HYDIN: variants seen among roughly 807,000 people sequenced by gnomAD.
HYDIN encodes the protein HYDIN axonemal central pair apparatus protein, also known as axonemal central pair apparatus protein HYDIN.
HYDIN carries 132 observed loss-of-function variants against 403.9 expected under a neutral mutation model. The ratio of observed to expected loss-of-function variants is 0.33; its 90% CI spans 0.28 to 0.38. HYDIN has a LOEUF of 0.38. Ranked by LOEUF, HYDIN falls within the 10% of genes least tolerant of loss-of-function variation. The probability of loss-of-function intolerance (pLI) is 1.00; values close to 1 mark genes in which losing one functional copy is unlikely to be tolerated. For synonymous variants in HYDIN, 1,202 were observed against 1,891.7 expected (o/e 0.64, Z 9.46); for missense variants, 2,827 against 5,009.5 (o/e 0.56, Z 13.15).
At chr16:70,982,002 C>G (rs774697919) in intron 28 of HYDIN, among the ~76,000 whole-genome samples, 1 of 151,310 alleles carries the variant, frequency 6.6e-6, no homozygotes, top group Non-Finnish European at 1.5e-5. Context: ...GTGGTGGGCA[C>G]CTGTAGTCCC....
At chr16:70,993,853 C>A (rs1187530810) in intron 23 of HYDIN, among the ~76,000 whole-genome samples, 1 of 151,576 alleles carries the variant, frequency 6.6e-6, no homozygotes. Flanking sequence ...TAGTCTTTTA[C>A]ATTTTAGCCA....
At chr16:71,145,467 AT>A (rs1368042213) in intron 7 of HYDIN, among the ~76,000 whole-genome samples, 7 of 152,086 alleles carry the variant, frequency 4.6e-5, no homozygotes, top group Admixed American at 4.6e-4. Context: ...ATTGGCCAGG[AT>A]GGTCTCGATC....
At chr16:71,092,949 C>T (rs2083157572) in intron 11 of HYDIN, among the ~76,000 whole-genome samples, 1 of 144,924 alleles carries the variant, frequency 6.9e-6, no homozygotes, top group Admixed American at 7.1e-5. Flanking sequence ...ATGATATTAA[C>T]TACTACACGA....
chr16:71,074,723 A>G (rs113909777), intron 13 of HYDIN, among the ~76,000 whole-genome samples: 5 of 151,212 alleles, frequency 3.3e-5, no homozygotes, highest in Admixed American at 6.6e-5. Context: ...AAAAAAAAAA[A>G]AAAAAGAAAA....
chr16:71,144,174 T>A (rs1475397948), intron 7 of HYDIN, among the ~76,000 whole-genome samples: 1 of 152,216 alleles, frequency 6.6e-6, no homozygotes, highest in Admixed American at 6.5e-5. Flanking sequence ...TCAATACAAA[T>A]ATCTTTTTTC....
intron 55 of HYDIN, among the ~76,000 whole-genome samples, chr16:70,892,952 G>T (rs2041562386): frequency 6.6e-6 from 1 of 152,176 alleles, no homozygotes; most frequent in Non-Finnish European, 1.5e-5. Flanking sequence ...TGTAACAGAG[G>T]TACTGGGGAG....
At chr16:71,041,637 G>A (rs2081290303) in intron 18 of HYDIN, among the ~76,000 whole-genome samples, 1 of 152,154 alleles carries the variant, frequency 6.6e-6, no homozygotes, top group African/African-American at 2.4e-5. Flanking sequence ...CCATGGGAGG[G>A]AGTAGGAATA....
chr16:70,872,177 C>A lies in HYDIN; in HGVS notation c.10951G>T (p.Ala3651Ser), dbSNP rs533680979. 5.8e-5 allele frequency: 82 copies of A among 1,417,274 alleles called. No individual in the cohort carries two copies. Among genetic ancestry groups the A allele is most frequent in the Non-Finnish European group, 7.4e-5 (77 of 1,043,336 alleles). 87.8% of individuals were successfully genotyped at this position (1,417,274 alleles called of 1,614,324 possible). ...DNDMEDLVAAALVDHIQFGDC... is the reference protein window; with the variant it reads ...DNDMEDLVAASLVDHIQFGDC... ...CCAAATTGGATGTGGTCCACCAGAG[C>A]AGCTAGGGATTAGAAGCAGAAGGCT... Residue 3651 changes from alanine to serine, a missense_variant and splice_region_variant, in exon 65 of 86, where the codon GCT becomes TCT. Coordinates refer to ENST00000393567, the MANE Select transcript of HYDIN (RefSeq NM_001270974.2).
At chr16:71,226,474 A>G (rs939129236) in intron 1 of HYDIN, among the ~76,000 whole-genome samples, 1 of 152,222 alleles carries the variant, frequency 6.6e-6, no homozygotes, top group Non-Finnish European at 1.5e-5. Flanking sequence ...CAAAGCTATG[A>G]AAGTCTGAGA....
At chr16:71,149,818 G>A (rs907275402) in intron 7 of HYDIN, among the ~76,000 whole-genome samples, 19 of 151,902 alleles carry the variant, frequency 1.3e-4, no homozygotes, top group African/African-American at 4.8e-5. Context: ...GTGAGCCACC[G>A]CAGTCGGCTG....
chr16:70,832,753 G>T, intron 80 of HYDIN, 95 bp downstream of exon 80: 3 of 901,260 alleles, frequency 3.3e-6, no homozygotes, highest in Non-Finnish European at 5.3e-6. Context: ...CTCGTGGAGG[G>T]AGGGGGCAGG....
chr16:71,061,772 G>C (rs2082087327), intron 17 of HYDIN, among the ~76,000 whole-genome samples: 1 of 151,348 alleles, frequency 6.6e-6, no homozygotes, highest in Admixed American at 6.6e-5. Flanking sequence ...TAAAAATACA[G>C]ATGTGCTGGC....
intron 78 of HYDIN, among the ~76,000 whole-genome samples, chr16:70,835,356 A>C (rs2037353604): frequency 6.6e-6 from 1 of 152,146 alleles, no homozygotes; most frequent in African/African-American, 2.4e-5. Flanking sequence ...AAACACCTGA[A>C]ATGAACGAAA....
intron 21 of HYDIN, among the ~76,000 whole-genome samples, chr16:71,024,094 C>G (rs1290927857): frequency 6.6e-6 from 1 of 152,214 alleles, no homozygotes; most frequent in Non-Finnish European, 1.5e-5. Context: ...CATGATAGAC[C>G]TTAATAAACA....
At position 70,807,784 on chromosome 16, in the gene HYDIN, G is replaced by C; in HGVS notation, c.15162C>G (p.Ile5054Met). The change falls in exon 86 of 86, where the codon ATC (isoleucine) becomes ATG (methionine). Residue 5054 changes from isoleucine (I) to methionine (M), a missense_variant. Coordinates refer to ENST00000393567, the MANE Select transcript of HYDIN (RefSeq NM_001270974.2). ...NVFYHMVTFS[I>M]IVDNPAFTIR... ...TGGTGAAGGCTGGGTTATCCACGAT[G>C]ATGGAGAAGGTCACCATGTGATAGA... 1 of 1,614,210 alleles carries C rather than the reference G, an allele frequency of 6.2e-7. No individual in the cohort carries two copies. The highest frequency in any genetic ancestry group is 8.5e-7 in the Non-Finnish European group (1 of 1,180,036).
chr16:70,900,717 G>A (rs2076345439), intron 53 of HYDIN, among the ~76,000 whole-genome samples: 2 of 150,474 alleles, frequency 1.3e-5, no homozygotes, highest in Admixed American at 1.3e-4. Context: ...TTGTTCATTT[G>A]TTCATTCATT....
intron 29 of HYDIN, among the ~76,000 whole-genome samples, chr16:70,979,814 C>A (rs2078992454): frequency 6.6e-6 from 1 of 152,132 alleles, no homozygotes; most frequent in African/African-American, 2.4e-5. Context: ...ATCCCAGCTA[C>A]TGGGGAGCCT....
intron 23 of HYDIN, among the ~76,000 whole-genome samples, chr16:70,994,699 A>T (rs2079472124): frequency 6.7e-6 from 1 of 149,044 alleles, no homozygotes; most frequent in Admixed American, 6.6e-5. Context: ...AGCCAGATTT[A>T]GGAGCTGCCG....
chr16:70,987,356 T>C (rs371144687), intron 27 of HYDIN, among the ~76,000 whole-genome samples: 6 of 150,272 alleles, frequency 4.0e-5, no homozygotes, highest in African/African-American at 1.4e-4. Context: ...AACACCATTT[T>C]GGAAAATGTC....
Sources: allele counts gnomAD v4.1 joint callset (sites outside exome capture counted in the v4.1 genomes callset), GRCh38; gene constraint gnomAD v4.1.1; transcripts MANE v1.5; gene names NCBI Gene and HGNC (gene_info 2026-07-23, HGNC 2026-07-21).